TMEM178B: variants seen among roughly 807,000 people sequenced by gnomAD.
TMEM178B encodes the protein transmembrane protein 178B.
Under a neutral mutation model 31.0 loss-of-function variants are expected in TMEM178B, and 5 were observed. The ratio of observed to expected loss-of-function variants is 0.16; its 90% CI spans 0.08 to 0.34. The LOEUF is 0.34. Among genes scored for constraint, TMEM178B ranks in the 10% least tolerant of loss-of-function variants. The probability of loss-of-function intolerance (pLI) is 1.00; values close to 1 mark genes in which losing one functional copy is unlikely to be tolerated. For missense variants in TMEM178B, 275 were observed against 400.3 expected (o/e 0.69, Z 2.67); for synonymous variants, 164 against 164.0 (o/e 1.00, Z 0.00).
intron 1 of TMEM178B, among the ~76,000 whole-genome samples, chr7:141,080,936 A>G (rs542049734): frequency 3.1e-4 from 47 of 152,364 alleles, no homozygotes; most frequent in African/African-American, 1.1e-3. Flanking sequence ...CCGGCGGTAT[A>G]GAAGTCTAGC....
At chr7:141,267,539 C>T (rs553225102) in intron 2 of TMEM178B, among the ~76,000 whole-genome samples, 170 of 152,290 alleles carry the variant, frequency 1.1e-3, no homozygotes, top group Middle Eastern at 0.01. Flanking sequence ...ACCCAACATC[C>T]TCCAGGGCCC....
intron 1 of TMEM178B, among the ~76,000 whole-genome samples, chr7:141,109,233 C>A (rs1225575568): frequency 1.3e-5 from 2 of 151,728 alleles, no homozygotes; most frequent in African/African-American, 4.8e-5. Flanking sequence ...TGATATAGCG[C>A]CTGGTGATGG....
At chr7:141,434,051 T>G (rs946977090) in intron 2 of TMEM178B, among the ~76,000 whole-genome samples, 1 of 152,232 alleles carries the variant, frequency 6.6e-6, no homozygotes, top group African/African-American at 2.4e-5. Context: ...CACAGACTTT[T>G]GGAAGAGGAA....
intron 2 of TMEM178B, among the ~76,000 whole-genome samples, chr7:141,241,058 G>A (rs1049576626): frequency 7.3e-6 from 1 of 137,686 alleles, no homozygotes; most frequent in African/African-American, 2.7e-5. Context: ...TTTTTGTTCT[G>A]TTACATGGAT....
At position 141,422,493 on chromosome 7, in the gene TMEM178B, C is replaced by T. The variant is rs375228400; in HGVS notation, c.497-15115C>T. Reference sequence around the variant, plus strand: ...GCTGTAGGATGGAGTCTTTTCAAGGCGGTTTAGTCTTCATTGGCATCCACT... The same window carrying T: ...GCTGTAGGATGGAGTCTTTTCAAGGTGGTTTAGTCTTCATTGGCATCCACT... On this transcript the variant is annotated intron_variant, in intron 2 of 3. Transcript: ENST00000565468. This position sits in a 1 kb window ranked among gnomAD's most constrained non-coding sequence, Gnocchi z 4.2. 3.3e-5 allele frequency among the ~76,000 whole-genome samples: 5 copies of T among 152,152 alleles called. No individual in the cohort carries two copies. The highest frequency in any genetic ancestry group is 7.2e-5 in the African/African-American group (3 of 41,450).
chr7:141,226,771 T>C (rs1797348405), intron 2 of TMEM178B, among the ~76,000 whole-genome samples: 1 of 149,722 alleles, frequency 6.7e-6, no homozygotes, highest in South Asian at 2.1e-4. Flanking sequence ...GGCATGAGAA[T>C]TGCTTGAACC....
intron 2 of TMEM178B, among the ~76,000 whole-genome samples, chr7:141,335,227 G>A (rs535994583): frequency 1.3e-5 from 2 of 152,210 alleles, no homozygotes; most frequent in Admixed American, 6.5e-5. Flanking sequence ...GTTAGGAGAT[G>A]GGCAGAGGGG....
chr7:141,305,759 T>C (rs1798806261), intron 2 of TMEM178B, among the ~76,000 whole-genome samples: 1 of 152,126 alleles, frequency 6.6e-6, no homozygotes, highest in South Asian at 2.1e-4. Context: ...CTTATGCACC[T>C]TTTTTCCTAC....
At chr7:141,164,898 T>G (rs1179432511) in intron 1 of TMEM178B, among the ~76,000 whole-genome samples, 1 of 152,120 alleles carries the variant, frequency 6.6e-6, no homozygotes, top group Non-Finnish European at 1.5e-5. Context: ...ATAGGGCTGC[T>G]GGGGTTCCAG....
chr7:141,271,262 G>C (rs1798176111), intron 2 of TMEM178B, among the ~76,000 whole-genome samples: 1 of 152,176 alleles, frequency 6.6e-6, no homozygotes, highest in South Asian at 2.1e-4. Context: ...CCCAAGCATT[G>C]TAGCAAGTAC....
intron 2 of TMEM178B, among the ~76,000 whole-genome samples, chr7:141,215,774 TTTCCTTTCTTTC>T (rs1429692556): frequency 6.9e-6 from 1 of 144,420 alleles, no homozygotes; most frequent in Non-Finnish European, 1.5e-5. Context: ...AATTATATAC[TTTCCTTTCTTTC>T]TTTCTTTCTT....
chr7:141,268,168 G>T (rs1798124021), intron 2 of TMEM178B, among the ~76,000 whole-genome samples: 1 of 152,306 alleles, frequency 6.6e-6, no homozygotes, highest in African/African-American at 2.4e-5. Flanking sequence ...TAACATGTCT[G>T]ATCAGGACCC....
chr7:141,443,554 G>C (rs1215767038), intron 3 of TMEM178B, among the ~76,000 whole-genome samples: 1 of 152,228 alleles, frequency 6.6e-6, no homozygotes, highest in Admixed American at 6.5e-5. Context: ...GTTTTGGGGA[G>C]AAAGAGGTAA....
chr7:141,502,878 C>A, the TMEM178B span, among the ~76,000 whole-genome samples: 1 of 152,150 alleles, frequency 6.6e-6, no homozygotes, highest in Non-Finnish European at 1.5e-5. Flanking sequence ...GGTACTGTTC[C>A]AAGGAATTTA....
At chr7:141,321,743 G>A (rs1799102093) in intron 2 of TMEM178B, among the ~76,000 whole-genome samples, 2 of 151,928 alleles carry the variant, frequency 1.3e-5, no homozygotes, top group Admixed American at 6.6e-5. Flanking sequence ...GCAGCCCATT[G>A]GAACCACCTT....
At chr7:141,373,314 A>T (rs1456159643) in intron 2 of TMEM178B, among the ~76,000 whole-genome samples, 1 of 152,188 alleles carries the variant, frequency 6.6e-6, no homozygotes, top group African/African-American at 2.4e-5. Context: ...TGATCCTCGG[A>T]CCCAAATAAA....
chr7:141,483,798 C>T (rs566992623), downstream of TMEM178B, among the ~76,000 whole-genome samples: 12 of 150,998 alleles, frequency 7.9e-5, no homozygotes, highest in African/African-American at 2.2e-4. Context: ...TGCAGTAGCA[C>T]GATCTCAGCT....
At position 141,414,108 on chromosome 7, in the gene TMEM178B, G is replaced by A. The variant is rs1302096128; in HGVS notation, c.497-23500G>A. ...TTTTTTTTTTTTTTTTTTTTGAGACGGAGTCCCGCTGTTTAGCCCAGGCCG... is the reference window on the plus strand; with the variant it reads ...TTTTTTTTTTTTTTTTTTTTGAGACAGAGTCCCGCTGTTTAGCCCAGGCCG... On this transcript the variant is annotated intron_variant, in intron 2 of 3. Coordinates refer to ENST00000565468, the MANE Select transcript of TMEM178B (RefSeq NM_001195278.2). Among the ~76,000 whole-genome samples the A allele has an allele frequency of 3.4e-5, 2 of 58,648 alleles. 1 individual carries two copies. Among genetic ancestry groups the A allele is most frequent in the Non-Finnish European group, 5.8e-5 (2 of 34,418 alleles). 38.5% of individuals were successfully genotyped at this position (58,648 alleles called of 152,430 possible). A position where few individuals can be genotyped will look rare whatever the true frequency, so the allele number is the denominator to read the frequency against.
intron 1 of TMEM178B, among the ~76,000 whole-genome samples, chr7:141,125,441 G>A (rs151264457): frequency 0.026 from 4,031 of 152,130 alleles, 176 homozygotes; most frequent in African/African-American, 0.092. Flanking sequence ...CCAGCACTTT[G>A]GGAGGCCGAG....
Sources: allele counts gnomAD v4.1 joint callset (sites outside exome capture counted in the v4.1 genomes callset), GRCh38; gene constraint gnomAD v4.1.1; non-coding constraint Gnocchi (gnomAD v3.1); transcripts MANE v1.5; gene names NCBI Gene and HGNC (gene_info 2026-07-23, HGNC 2026-07-21).